Variants in CAMK1D observed in about 807,000 individuals in gnomAD.
CAMK1D encodes the protein calcium/calmodulin-dependent protein kinase type 1D.
A neutral mutation model predicts 47.7 loss-of-function variants in CAMK1D; 9 were observed. The ratio of observed to expected loss-of-function variants is 0.19; its 90% CI spans 0.11 to 0.33. CAMK1D has a LOEUF of 0.33. CAMK1D is among the 10% of genes least tolerant of loss of function. The pLI is 1.00. For synonymous variants in CAMK1D, 184 were observed against 184.9 expected, an observed-to-expected ratio of 0.99 and a Z score of 0.04; for missense variants, 291 against 488.7, an observed-to-expected ratio of 0.60 and a Z score of 3.81.
Position 12,711,167 on chromosome 10 carries a change from A to G in CAMK1D, c.299+44357A>G, listed in dbSNP as rs74969440. ...GAACAGTTGGGTTCTGGCTAAAAGC[A>G]AAAGAGAAAACCGCCTGTTTCAGTC... On this transcript the variant is annotated intron_variant, in intron 3 of 10. Coordinates refer to ENST00000619168, the MANE Select transcript of CAMK1D (RefSeq NM_153498.4). Among the ~76,000 whole-genome samples the G allele has an allele frequency of 7.8e-3, 1,191 of 152,302 alleles. 18 individuals are homozygous for G. Among genetic ancestry groups the G allele is most frequent in the African/African-American group, 0.028 (1,143 of 41,560 alleles).
intron 1 of CAMK1D, among the ~76,000 whole-genome samples, chr10:12,480,454 CAAAAAA>C (rs72032629): frequency 6.7e-6 from 1 of 149,976 alleles, no homozygotes; most frequent in South Asian, 2.2e-4. Flanking sequence ...AAACAAAAAA[CAAAAAA>C]AAACCACTCA....
At chr10:12,744,022 CAA>C (rs60844942) in intron 3 of CAMK1D, among the ~76,000 whole-genome samples, 10,113 of 99,758 alleles carry the variant, frequency 0.1, 747 homozygotes, top group African/African-American at 0.21. Context: ...GACTCCGTTT[CAA>C]AAAAAAAAAA....
intron 1 of CAMK1D, among the ~76,000 whole-genome samples, chr10:12,368,191 T>TC (rs749616904): frequency 9.2e-5 from 11 of 119,704 alleles, no homozygotes; most frequent in Non-Finnish European, 1.7e-4. Context: ...AGAGCGAGAC[T>TC]CCGTCTCAAA....
chr10:12,691,797 TA>T (rs1832943296), intron 3 of CAMK1D, among the ~76,000 whole-genome samples: 1 of 152,102 alleles, frequency 6.6e-6, no homozygotes, highest in Non-Finnish European at 1.5e-5. Flanking sequence ...CCTCTGTGAA[TA>T]AAGTGAAGAG....
intron 1 of CAMK1D, among the ~76,000 whole-genome samples, chr10:12,446,667 C>G (rs1422603025): frequency 6.6e-6 from 1 of 152,152 alleles, no homozygotes. Context: ...TGAGGAAGCT[C>G]AGATGTTTCT....
At chr10:12,596,678 G>T (rs1008164046) in intron 2 of CAMK1D, among the ~76,000 whole-genome samples, 1 of 151,974 alleles carries the variant, frequency 6.6e-6, no homozygotes, top group African/African-American at 2.4e-5. Context: ...TGGTTTCTGG[G>T]TCCCTACCCT....
intron 1 of CAMK1D, among the ~76,000 whole-genome samples, chr10:12,543,688 C>T (rs553591153): frequency 3.3e-5 from 5 of 152,286 alleles, no homozygotes; most frequent in African/African-American, 4.8e-5. Context: ...TTAGGGCACA[C>T]GCATTTTTGT....
intron 1 of CAMK1D, among the ~76,000 whole-genome samples, chr10:12,351,442 G>A (rs1424235411): frequency 6.6e-6 from 1 of 152,200 alleles, no homozygotes; most frequent in Non-Finnish European, 1.5e-5. Context: ...TGAGAGACAA[G>A]AAAGCATGGC....
chr10:12,422,711 C>T (rs188737166), intron 1 of CAMK1D, among the ~76,000 whole-genome samples: 3 of 151,354 alleles, frequency 2.0e-5, no homozygotes, highest in East Asian at 1.9e-4. Flanking sequence ...CTCAGTCTGT[C>T]GCCCAGGCTG....
intron 2 of CAMK1D, among the ~76,000 whole-genome samples, chr10:12,616,569 G>C (rs904017544): frequency 2.6e-5 from 4 of 152,124 alleles, no homozygotes; most frequent in Admixed American, 1.3e-4. Context: ...CCAGGCTGGG[G>C]TGCAGTGGTG....
At chr10:12,395,302 C>T (rs368453493) in intron 1 of CAMK1D, among the ~76,000 whole-genome samples, 105 of 151,746 alleles carry the variant, frequency 6.9e-4, no homozygotes, top group African/African-American at 2.3e-3. Flanking sequence ...ATCCCCTTGA[C>T]CTGCAGCCCC....
At chr10:12,540,276 A>T (rs183969270) in intron 1 of CAMK1D, among the ~76,000 whole-genome samples, 1 of 151,992 alleles carries the variant, frequency 6.6e-6, no homozygotes, top group Admixed American at 6.6e-5. Context: ...GCTTCCATGG[A>T]TGCTCCCTGT....
intron 1 of CAMK1D, among the ~76,000 whole-genome samples, chr10:12,376,957 C>T (rs1413529661): frequency 6.6e-6 from 1 of 152,034 alleles, no homozygotes; most frequent in East Asian, 1.9e-4. Flanking sequence ...GACGGGGTTT[C>T]ACCATGTTGA....
chr10:12,810,751 C>G (rs1383195034), intron 6 of CAMK1D, among the ~76,000 whole-genome samples: 1 of 152,202 alleles, frequency 6.6e-6, no homozygotes. Flanking sequence ...TGAGTCCCCT[C>G]CCTTTAGTGC....
chr10:12,358,282 A>C (rs1190952733), intron 1 of CAMK1D, among the ~76,000 whole-genome samples: 1 of 152,180 alleles, frequency 6.6e-6, no homozygotes, highest in Admixed American at 6.5e-5. Flanking sequence ...TCATGCCTGT[A>C]ATCATAGCAC....
chr10:12,363,726 T>C (rs1282422220), intron 1 of CAMK1D, among the ~76,000 whole-genome samples: 1 of 149,050 alleles, frequency 6.7e-6, no homozygotes, highest in Non-Finnish European at 1.5e-5. Context: ...TGGAGTGCAG[T>C]GGCACGATCT....
intron 2 of CAMK1D, among the ~76,000 whole-genome samples, chr10:12,651,695 C>T (rs1839970951): frequency 6.6e-6 from 1 of 152,030 alleles, no homozygotes; most frequent in Non-Finnish European, 1.5e-5. Flanking sequence ...AGCCATACTG[C>T]CTGGACAACT....
intron 1 of CAMK1D, among the ~76,000 whole-genome samples, chr10:12,468,893 AT>A (rs1380369035): frequency 1.3e-5 from 2 of 152,146 alleles, no homozygotes; most frequent in Non-Finnish European, 2.9e-5. Flanking sequence ...AGGCAAGCAA[AT>A]AATTAGGTCT....
intron 1 of CAMK1D, among the ~76,000 whole-genome samples, chr10:12,455,904 T>C (rs920773960): frequency 1.3e-5 from 2 of 152,242 alleles, no homozygotes; most frequent in Non-Finnish European, 2.9e-5. Flanking sequence ...TCATATGACT[T>C]GTATTTAGCC....
Sources: gnomAD v4.1 joint callset for allele counts (sites outside exome capture counted in the v4.1 genomes callset) on GRCh38, gnomAD v4.1.1 for gene constraint, MANE v1.5 for transcripts, NCBI Gene and HGNC (gene_info 2026-07-23, HGNC 2026-07-21) for gene names.